The following KSR2 variants were observed in gnomAD, a reference collection of about 807,000 sequenced individuals.
KSR2 encodes the protein kinase suppressor of ras 2.
Under a neutral mutation model 107.8 loss-of-function variants are expected in KSR2, and 25 were observed. That is an observed-to-expected ratio of 0.23 (90% CI 0.17 to 0.32). The LOEUF is 0.32. KSR2 is among the 10% of genes least tolerant of loss of function. The pLI is 1.00. For synonymous variants in KSR2, 480 were observed against 507.0 expected (o/e 0.95, Z 0.71); for missense variants, 887 against 1,268.9 (o/e 0.70, Z 4.57).
At chr12:117,870,664 C>G (rs774633293) in intron 1 of KSR2, among the ~76,000 whole-genome samples, 22 of 152,248 alleles carry the variant, frequency 1.4e-4, no homozygotes, top group Middle Eastern at 6.8e-3. Context: ...TCATGTCCTA[C>G]TTGTTGAAGG....
chr12:117,611,579 A>G (rs1881601593), intron 5 of KSR2, among the ~76,000 whole-genome samples: 1 of 152,258 alleles, frequency 6.6e-6, no homozygotes, highest in East Asian at 1.9e-4. Flanking sequence ...CGATGGGGAA[A>G]GTGAGTGGAC....
chr12:117,966,795 G>A (rs1430248171), intron 1 of KSR2, among the ~76,000 whole-genome samples: 1 of 151,884 alleles, frequency 6.6e-6, no homozygotes, highest in African/African-American at 2.4e-5. Context: ...AAGCGAATCC[G>A]AGAAAAGCAC....
At chr12:117,802,846 A>G (rs976905106) in intron 3 of KSR2, among the ~76,000 whole-genome samples, 1 of 152,188 alleles carries the variant, frequency 6.6e-6, no homozygotes, top group African/African-American at 2.4e-5. Context: ...CGGCTCTGAC[A>G]AGACAGTGTC....
chr12:117,599,638 T>C (rs1259913909), intron 5 of KSR2, among the ~76,000 whole-genome samples: 1 of 152,036 alleles, frequency 6.6e-6, no homozygotes, highest in African/African-American at 2.4e-5. Flanking sequence ...CCAGAAGCAC[T>C]GTCCTCCCTA....
At chr12:117,592,287 T>A (rs910635722) in intron 5 of KSR2, among the ~76,000 whole-genome samples, 4 of 152,000 alleles carry the variant, frequency 2.6e-5, no homozygotes, top group Non-Finnish European at 5.9e-5. Context: ...CTAATTTTTG[T>A]ATTTTTAGTA....
At chr12:117,894,034 C>T (rs1385935864) in intron 1 of KSR2, among the ~76,000 whole-genome samples, 3 of 152,050 alleles carry the variant, frequency 2.0e-5, no homozygotes, top group Middle Eastern at 3.4e-3. Context: ...CTCAGCCTCC[C>T]GAGTAGCTCG....
intron 19 of KSR2, among the ~76,000 whole-genome samples, chr12:117,469,083 A>G (rs1333686387): frequency 6.6e-6 from 1 of 152,210 alleles, no homozygotes; most frequent in Non-Finnish European, 1.5e-5. Context: ...TCCCAGAAAG[A>G]GATGCCACAC....
chr12:117,751,954 A>G (rs938895142), intron 4 of KSR2, among the ~76,000 whole-genome samples: 2 of 152,166 alleles, frequency 1.3e-5, no homozygotes, highest in East Asian at 3.8e-4. Flanking sequence ...TGCCCTTATA[A>G]ATATATTAGA....
intron 7 of KSR2, 47 bp from the exon 8 acceptor site, chr12:117,558,620 T>G (rs752800954): frequency 6.7e-6 from 10 of 1,484,770 alleles, no homozygotes; most frequent in Non-Finnish European, 7.5e-6. Flanking sequence ...AATGGCTGAG[T>G]GAGCGGGTAG....
At chr12:117,724,517 G>C (rs900286418) in intron 4 of KSR2, among the ~76,000 whole-genome samples, 45 of 152,072 alleles carry the variant, frequency 3.0e-4, no homozygotes, top group Admixed American at 5.2e-4. Flanking sequence ...ACTTTAGGTG[G>C]CTTTGCTGCT....
At chr12:117,951,909 C>G (rs556008365) in intron 1 of KSR2, among the ~76,000 whole-genome samples, 38 of 151,986 alleles carry the variant, frequency 2.5e-4, no homozygotes, top group Non-Finnish European at 1.6e-4. Context: ...ATAAGGCAGA[C>G]AGAGAAAGAC....
At chr12:117,667,791 CT>C (rs1357841781) in intron 4 of KSR2, 133 bp from the exon 5 acceptor site, 7 of 720,152 alleles carry the variant, frequency 9.7e-6, no homozygotes, top group Non-Finnish European at 6.6e-6. Flanking sequence ...AGCCCACAGG[CT>C]TTTAGGTAGA....
chr12:117,794,004 A>T (rs1890445845), intron 3 of KSR2, among the ~76,000 whole-genome samples: 1 of 110,698 alleles, frequency 9.0e-6, no homozygotes, highest in Non-Finnish European at 1.8e-5. Flanking sequence ...ACATGCACAC[A>T]CACCAACATG....
intron 5 of KSR2, among the ~76,000 whole-genome samples, chr12:117,585,804 T>A (rs913983506): frequency 6.6e-6 from 1 of 152,224 alleles, no homozygotes; most frequent in Admixed American, 6.5e-5. Flanking sequence ...AATTTTCTGA[T>A]AACAAGTCAT....
intron 4 of KSR2, among the ~76,000 whole-genome samples, chr12:117,733,222 A>T (rs1247890074): frequency 2.0e-5 from 3 of 152,120 alleles, no homozygotes; most frequent in Non-Finnish European, 4.4e-5. Context: ...ACTCCAAAAC[A>T]GCCCTTCCTA....
At chr12:117,799,466 A>C (rs1593250665) in intron 3 of KSR2, among the ~76,000 whole-genome samples, 1 of 151,432 alleles carries the variant, frequency 6.6e-6, no homozygotes, top group East Asian at 1.9e-4. Context: ...GCATCACTGC[A>C]CTCCAGACCA....
At chr12:117,760,982 G>T in intron 4 of KSR2, 29 bp downstream of exon 4, 1 of 1,611,546 alleles carries the variant, frequency 6.2e-7, no homozygotes, top group Non-Finnish European at 8.5e-7. Flanking sequence ...GGTTTCGACC[G>T]CCCCAGGGCA....
At chr12:117,777,117 CACCATAT>C (rs1889718938) in intron 3 of KSR2, among the ~76,000 whole-genome samples, 1 of 117,968 alleles carries the variant, frequency 8.5e-6, no homozygotes, top group East Asian at 2.3e-4. Flanking sequence ...TACACACACA[CACCATAT>C]ATATATACAC....
chr12:117,622,882 C>T (rs1882266381), intron 5 of KSR2, among the ~76,000 whole-genome samples: 1 of 152,148 alleles, frequency 6.6e-6, no homozygotes, highest in African/African-American at 2.4e-5. Flanking sequence ...ATGAATACTG[C>T]CCTCTTGGAA....
Sources: allele counts gnomAD v4.1 joint callset (sites outside exome capture counted in the v4.1 genomes callset), GRCh38; gene constraint gnomAD v4.1.1; transcripts MANE v1.5; gene names NCBI Gene and HGNC (gene_info 2026-07-23, HGNC 2026-07-21).